TNNI3K: variants seen among roughly 807,000 people sequenced by gnomAD.
TNNI3K encodes the protein TNNI3 interacting kinase.
TNNI3K carries 140 observed loss-of-function variants against 114.5 expected under a neutral mutation model. That is an observed-to-expected ratio of 1.22 (90% CI 1.07 to 1.41). TNNI3K has a LOEUF of 1.41. Ranked by LOEUF, TNNI3K falls within the 40% of genes most tolerant of loss-of-function variation. The pLI is 0.00. For missense variants in TNNI3K, 1,125 were observed against 1,007.6 expected (o/e 1.12, Z -1.58); for synonymous variants, 347 against 347.5 (o/e 1.00, Z 0.02).
chr1:74,512,835 C>G (rs1201450504), intron 23 of TNNI3K, among the ~76,000 whole-genome samples: 1 of 152,140 alleles, frequency 6.6e-6, no homozygotes, highest in African/African-American at 2.4e-5. Flanking sequence ...AATGGGCACC[C>G]CCTGCAGCAT....
intron 5 of TNNI3K, among the ~76,000 whole-genome samples, chr1:74,330,979 T>C (rs890477799): frequency 6.6e-6 from 1 of 152,174 alleles, no homozygotes; most frequent in Non-Finnish European, 1.5e-5. Flanking sequence ...GTGAAAGTTA[T>C]ATGAGATTTA....
At chr1:74,341,563 T>G (rs1304774664) in intron 7 of TNNI3K, 1 of 133,926 alleles carries the variant, frequency 7.5e-6, no homozygotes, top group Non-Finnish European at 1.6e-5. Flanking sequence ...TTTGTTTCTG[T>G]TTTTTTTTTT....
chr1:74,502,989 A>T (rs1669712011), intron 23 of TNNI3K, among the ~76,000 whole-genome samples: 1 of 152,222 alleles, frequency 6.6e-6, no homozygotes, highest in South Asian at 2.1e-4. Context: ...ACACTTGTGG[A>T]CTAGCTTTGA....
intron 11 of TNNI3K, among the ~76,000 whole-genome samples, chr1:74,356,262 T>A (rs927917451): frequency 5.3e-5 from 8 of 152,334 alleles, no homozygotes; most frequent in East Asian, 1.9e-4. Context: ...CACAATTTTT[T>A]AATTCATTCT....
chr1:74,440,562 C>T (rs1666331554), intron 20 of TNNI3K, among the ~76,000 whole-genome samples: 1 of 151,720 alleles, frequency 6.6e-6, no homozygotes, highest in South Asian at 2.1e-4. Context: ...ATCTCATACT[C>T]TATTTTGGAG....
chr1:74,524,054 A>T (rs1646469846), intron 23 of TNNI3K, among the ~76,000 whole-genome samples: 1 of 152,116 alleles, frequency 6.6e-6, no homozygotes, highest in East Asian at 1.9e-4. Flanking sequence ...TTCACCAAAA[A>T]TTGTTTTTGC....
chr1:74,383,152 G>A (rs1010776196), intron 17 of TNNI3K, among the ~76,000 whole-genome samples: 2 of 151,970 alleles, frequency 1.3e-5, no homozygotes, highest in Non-Finnish European at 2.9e-5. Flanking sequence ...TGGCCTTGCA[G>A]GCAGACATTT....
intron 9 of TNNI3K, among the ~76,000 whole-genome samples, chr1:74,349,917 A>C (rs552310077): frequency 1.8e-4 from 27 of 152,222 alleles, no homozygotes; most frequent in African/African-American, 5.5e-4. Flanking sequence ...CTTTTCAAAA[A>C]ACCAGCTCCT....
intron 11 of TNNI3K, among the ~76,000 whole-genome samples, chr1:74,360,946 C>T (rs1346874515): frequency 6.6e-6 from 1 of 151,936 alleles, no homozygotes; most frequent in African/African-American, 2.4e-5. Context: ...GTGGATGACT[C>T]CTAATAGATA....
chr1:74,361,290 A>G (rs1661953369), intron 11 of TNNI3K, among the ~76,000 whole-genome samples: 1 of 152,088 alleles, frequency 6.6e-6, no homozygotes, highest in Non-Finnish European at 1.5e-5. Flanking sequence ...AGTTGAGCTT[A>G]AAAGACAGTC....
intron 5 of TNNI3K, among the ~76,000 whole-genome samples, chr1:74,290,212 CTT>C (rs11357912): frequency 3.4e-4 from 49 of 144,776 alleles, no homozygotes; most frequent in South Asian, 6.6e-4. Context: ...TTCTATATTT[CTT>C]TTTTTTTTTT....
intron 21 of TNNI3K, chr1:74,472,040 A>G (rs1557588425): frequency 2.8e-6 from 2 of 708,900 alleles, no homozygotes; most frequent in Admixed American, 4.1e-5. Flanking sequence ...TTGGATGATG[A>G]GCTTGTAATA....
At chr1:74,387,973 A>G (rs1425482418) in intron 17 of TNNI3K, among the ~76,000 whole-genome samples, 3 of 152,134 alleles carry the variant, frequency 2.0e-5, no homozygotes, top group Non-Finnish European at 2.9e-5. Flanking sequence ...GTAAGTTTCA[A>G]ATAATACCTT....
chr1:74,503,707 GCTAGAAT>G (rs1427005518), intron 23 of TNNI3K, among the ~76,000 whole-genome samples: 7 of 152,186 alleles, frequency 4.6e-5, no homozygotes, highest in African/African-American at 1.7e-4. Flanking sequence ...AAGGAGAGAA[GCTAGAAT>G]CTAAGCAAGT....
At chr1:74,261,021 A>C (rs899674245) in intron 4 of TNNI3K, among the ~76,000 whole-genome samples, 6 of 152,138 alleles carry the variant, frequency 3.9e-5, no homozygotes, top group African/African-American at 1.4e-4. Flanking sequence ...TTTATTACAA[A>C]TATGATTAGA....
At chr1:74,426,038 T>G (rs1665623755) in intron 17 of TNNI3K, among the ~76,000 whole-genome samples, 1 of 152,102 alleles carries the variant, frequency 6.6e-6, no homozygotes, top group Admixed American at 6.6e-5. Context: ...TCTTGTGAAT[T>G]TTCAAAGTGT....
intron 17 of TNNI3K, among the ~76,000 whole-genome samples, chr1:74,427,024 C>T (rs1002295398): frequency 6.6e-6 from 1 of 152,068 alleles, no homozygotes; most frequent in Non-Finnish European, 1.5e-5. Flanking sequence ...ATTTAATGAT[C>T]TTTTCCTTTC....
At chr1:74,476,486 C>T (rs768464122) in intron 21 of TNNI3K, among the ~76,000 whole-genome samples, 1 of 152,128 alleles carries the variant, frequency 6.6e-6, no homozygotes, top group Non-Finnish European at 1.5e-5. Context: ...CAACTGAGCA[C>T]TGTGAGGCAA....
intron 9 of TNNI3K, among the ~76,000 whole-genome samples, chr1:74,347,776 T>C (rs1661098564): frequency 6.6e-6 from 1 of 152,194 alleles, no homozygotes; most frequent in Admixed American, 6.5e-5. Context: ...TTTTCATGTG[T>C]TTTTTGGCTG....
Sources: allele counts gnomAD v4.1 joint callset (sites outside exome capture counted in the v4.1 genomes callset), GRCh38; gene constraint gnomAD v4.1.1; transcripts MANE v1.5; gene names NCBI Gene and HGNC (gene_info 2026-07-23, HGNC 2026-07-21).